Variants in PRKCE observed in about 807,000 individuals in gnomAD.
The protein encoded by PRKCE is protein kinase C epsilon type.
A neutral mutation model predicts 85.4 loss-of-function variants in PRKCE; 16 were observed. That is an observed-to-expected ratio of 0.19 (90% CI 0.13 to 0.28). The LOEUF is 0.28. PRKCE is among the 10% of genes least tolerant of loss of function. The pLI, the probability that PRKCE is intolerant of heterozygous loss-of-function variation, is 1.00. For missense variants in PRKCE, 573 were observed against 975.2 expected, an observed-to-expected ratio of 0.59 and a Z score of 5.49; for synonymous variants, 388 against 371.5, an observed-to-expected ratio of 1.04 and a Z score of -0.51.
intron 2 of PRKCE, among the ~76,000 whole-genome samples, chr2:45,865,815 C>CTTCTT (rs779577778): frequency 7.5e-6 from 1 of 133,668 alleles, no homozygotes; most frequent in Admixed American, 7.6e-5. Context: ...TCTTCTTCTT[C>CTTCTT]TTTTTTTTTT....
At chr2:46,108,999 C>T (rs544493044) in intron 11 of PRKCE, among the ~76,000 whole-genome samples, 2 of 151,942 alleles carry the variant, frequency 1.3e-5, no homozygotes, top group Admixed American at 1.3e-4. Flanking sequence ...TGTCAAAACT[C>T]AGTTGGCTGT....
At chr2:45,936,420 C>T (rs960606552) in intron 2 of PRKCE, among the ~76,000 whole-genome samples, 1 of 152,240 alleles carries the variant, frequency 6.6e-6, no homozygotes, top group African/African-American at 2.4e-5. Context: ...CAAGGACAAT[C>T]TGCCTAAGTC....
chr2:46,157,220 A>G (rs151155979), intron 13 of PRKCE, among the ~76,000 whole-genome samples: 11 of 152,240 alleles, frequency 7.2e-5, no homozygotes, highest in Non-Finnish European at 1.3e-4. Context: ...ATGAGTAACT[A>G]AAGGAAAACC....
intron 2 of PRKCE, among the ~76,000 whole-genome samples, chr2:45,964,468 G>A (rs754516977): frequency 1.1e-4 from 16 of 152,214 alleles, no homozygotes; most frequent in Non-Finnish European, 2.1e-4. Context: ...CCCAGGCTGG[G>A]AGCACTCTTT....
chr2:45,880,227 G>T (rs987443120), intron 2 of PRKCE, among the ~76,000 whole-genome samples: 1 of 152,166 alleles, frequency 6.6e-6, no homozygotes, highest in Non-Finnish European at 1.5e-5. Flanking sequence ...AGAGTGTTCC[G>T]TTATGTGTAT....
chr2:46,070,659 C>G lies in PRKCE; in HGVS notation c.1438-15549C>G, dbSNP rs182343994. ...CTCCGTCTCAAAAAAAAAACAAAAA[C>G]AAAAACAAAGGTGGCATTTTATTGA... On this transcript the variant is annotated intron_variant, in intron 10 of 14. Transcript: ENST00000306156. Among the ~76,000 whole-genome samples, 106 of 151,244 alleles carry G rather than the reference C, an allele frequency of 7.0e-4. 1 individual carries two copies. The highest frequency in any genetic ancestry group is 6.9e-3 in the Admixed American group (105 of 15,198).
chr2:45,906,808 C>T (rs1182452084), intron 2 of PRKCE, among the ~76,000 whole-genome samples: 1 of 152,226 alleles, frequency 6.6e-6, no homozygotes, highest in African/African-American at 2.4e-5. Flanking sequence ...CTGTATGTGC[C>T]TACCCTGCAG....
At chr2:45,739,465 G>A (rs1682365337) in intron 1 of PRKCE, among the ~76,000 whole-genome samples, 1 of 152,168 alleles carries the variant, frequency 6.6e-6, no homozygotes, top group African/African-American at 2.4e-5. Context: ...CCCTTTTACA[G>A]CCTGCAGAGG....
At chr2:45,879,236 C>T (rs12620118) in intron 2 of PRKCE, among the ~76,000 whole-genome samples, 45,709 of 152,072 alleles carry the variant, frequency 0.3, 7,798 homozygotes, top group East Asian at 0.55. Context: ...GGCTTGATGG[C>T]GGGACTTCGA....
chr2:45,844,726 T>C (rs1691639262), intron 2 of PRKCE, among the ~76,000 whole-genome samples: 1 of 152,228 alleles, frequency 6.6e-6, no homozygotes, highest in Non-Finnish European at 1.5e-5. Flanking sequence ...GCCAAGATGC[T>C]GAGCAACCAA....
rs35088567 is a variant in PRKCE at position 46,001,252 on chromosome 2, C to CATATATATATAT, written c.824-143_824-132dup. 187 of 366,624 alleles carry CATATATATATAT rather than the reference C, an allele frequency of 5.1e-4. 1 individual carries two copies. The highest frequency in any genetic ancestry group is 3.5e-3 in the African/African-American group (153 of 43,360). 22.7% of individuals were successfully genotyped at this position (366,624 alleles called of 1,614,324 possible). A position where few individuals can be genotyped will look rare whatever the true frequency, so the allele number is the denominator to read the frequency against. ...GATTTTGGTTTTGTATGATGGAAGA[C>CATATATATATAT]ATATATATATATATATATATTTCTG... On this transcript the variant is annotated intron_variant, in intron 6 of 14. Coordinates refer to ENST00000306156, the MANE Select transcript of PRKCE (RefSeq NM_005400.3). This position sits in a 1 kb window ranked among gnomAD's most constrained non-coding sequence, Gnocchi z 4.4.
chr2:45,737,032 G>A (rs78966042), intron 1 of PRKCE, among the ~76,000 whole-genome samples: 2,851 of 152,220 alleles, frequency 0.019, 95 homozygotes, highest in African/African-American at 0.065. Flanking sequence ...GACGGTCGTC[G>A]GTCATCGTGC....
At chr2:46,144,546 C>T (rs1675878100) in intron 11 of PRKCE, among the ~76,000 whole-genome samples, 2 of 152,186 alleles carry the variant, frequency 1.3e-5, no homozygotes, top group African/African-American at 4.8e-5. Flanking sequence ...AACCATGTTT[C>T]TCTTGAGGGG....
chr2:45,750,670 C>A (rs1683486127), intron 1 of PRKCE, among the ~76,000 whole-genome samples: 1 of 152,216 alleles, frequency 6.6e-6, no homozygotes, highest in Non-Finnish European at 1.5e-5. Flanking sequence ...CCTCAGTTTT[C>A]TTCCCACATG....
At position 46,077,895 on chromosome 2, in the gene PRKCE, A is replaced by G. The variant is rs370130527; in HGVS notation, c.1438-8313A>G. Reference sequence around the variant, plus strand: ...CCTGTAGTTCACACATAGTCTGTCTACTTTAGAGCTGGAAAGTCCCACTCA... The same window carrying G: ...CCTGTAGTTCACACATAGTCTGTCTGCTTTAGAGCTGGAAAGTCCCACTCA... On this transcript the variant is annotated intron_variant, in intron 10 of 14. Coordinates refer to ENST00000306156, the MANE Select transcript of PRKCE (RefSeq NM_005400.3). 19 of 152,310 alleles carry G rather than the reference A, an allele frequency of 1.2e-4. No homozygotes were observed. In the East Asian group the frequency reaches 1.4e-3, roughly 11 times the overall value. 9.4% of individuals were successfully genotyped at this position (152,310 alleles called of 1,614,324 possible).
At chr2:45,858,361 T>C (rs2105623435) in intron 2 of PRKCE, among the ~76,000 whole-genome samples, 1 of 149,146 alleles carries the variant, frequency 6.7e-6, no homozygotes, top group Non-Finnish European at 1.5e-5. Flanking sequence ...CTTCTTTGTT[T>C]TAGAAATGAT....
intron 1 of PRKCE, among the ~76,000 whole-genome samples, chr2:45,737,491 T>C (rs1682175669): frequency 6.6e-6 from 1 of 152,056 alleles, no homozygotes; most frequent in South Asian, 2.1e-4. Flanking sequence ...AGACCCGGAG[T>C]GGGGCTGATT....
chr2:46,177,450 TA>T (rs1679531621), intron 14 of PRKCE, among the ~76,000 whole-genome samples: 1 of 152,196 alleles, frequency 6.6e-6, no homozygotes, highest in African/African-American at 2.4e-5. Flanking sequence ...CTCTGAAACC[TA>T]CAGAGGAATC....
intron 2 of PRKCE, among the ~76,000 whole-genome samples, chr2:45,957,641 G>A (rs1265688224): frequency 1.3e-5 from 2 of 152,148 alleles, no homozygotes; most frequent in African/African-American, 2.4e-5. Context: ...AGGCATGGTG[G>A]CTCATGCCTG....
Sources: allele counts gnomAD v4.1 joint callset (sites outside exome capture counted in the v4.1 genomes callset), GRCh38; gene constraint gnomAD v4.1.1; non-coding constraint Gnocchi (gnomAD v3.1); transcripts MANE v1.5; gene names NCBI Gene and HGNC (gene_info 2026-07-23, HGNC 2026-07-21).